Variants in AUTS2 observed in about 807,000 individuals in gnomAD.
The protein encoded by AUTS2 is autism susceptibility gene 2 protein.
Under a neutral mutation model 112.4 loss-of-function variants are expected in AUTS2, and 17 were observed. That is an observed-to-expected ratio of 0.15 (90% CI 0.10 to 0.23). AUTS2 has a LOEUF of 0.23. AUTS2 is among the 10% of genes least tolerant of loss of function. The probability of loss-of-function intolerance (pLI) is 1.00; values close to 1 mark genes in which losing one functional copy is unlikely to be tolerated. For synonymous variants in AUTS2, 751 were observed against 702.7 expected, an observed-to-expected ratio of 1.07 and a Z score of -1.09; for missense variants, 1,510 against 1,701.6, an observed-to-expected ratio of 0.89 and a Z score of 1.98.
At chr7:69,873,636 T>C (rs1453280236) in intron 1 of AUTS2, among the ~76,000 whole-genome samples, 1 of 152,164 alleles carries the variant, frequency 6.6e-6, no homozygotes, top group East Asian at 1.9e-4. Context: ...GGAAGCTAGA[T>C]TGGCATTCAT....
intron 2 of AUTS2, among the ~76,000 whole-genome samples, chr7:69,968,808 A>T (rs1015343025): frequency 1.3e-5 from 2 of 151,408 alleles, no homozygotes; most frequent in Non-Finnish European, 3.0e-5. Flanking sequence ...CACCTAGTTT[A>T]AAAAAAAAGT....
At chr7:70,031,702 T>A (rs539053655) in intron 2 of AUTS2, among the ~76,000 whole-genome samples, 1 of 152,282 alleles carries the variant, frequency 6.6e-6, no homozygotes, top group South Asian at 2.1e-4. Flanking sequence ...AATTGAGTGA[T>A]GCTCTAATTT....
chr7:69,606,233 C>G (rs1049816136), intron 1 of AUTS2, among the ~76,000 whole-genome samples: 2 of 152,140 alleles, frequency 1.3e-5, no homozygotes, highest in African/African-American at 4.8e-5. Flanking sequence ...CTCTTCTACA[C>G]CACAGTTTTA....
At chr7:70,081,892 A>G (rs1208533230) in intron 2 of AUTS2, among the ~76,000 whole-genome samples, 1 of 152,030 alleles carries the variant, frequency 6.6e-6, no homozygotes, top group Admixed American at 6.6e-5. Context: ...GCCAGTTAAC[A>G]TTAACTTTTA....
At chr7:70,675,409 C>T (rs1217968055) in intron 5 of AUTS2, among the ~76,000 whole-genome samples, 2 of 152,128 alleles carry the variant, frequency 1.3e-5, no homozygotes, top group Admixed American at 6.5e-5. Context: ...AGGAGAATTG[C>T]TTGATGAGCC....
At chr7:70,023,336 C>G (rs891353384) in intron 2 of AUTS2, among the ~76,000 whole-genome samples, 1 of 152,166 alleles carries the variant, frequency 6.6e-6, no homozygotes, top group Non-Finnish European at 1.5e-5. Context: ...TTAAACATTA[C>G]AAACTGCCGT....
chr7:70,614,458 T>C (rs1804250153), intron 5 of AUTS2, among the ~76,000 whole-genome samples: 1 of 152,194 alleles, frequency 6.6e-6, no homozygotes, highest in African/African-American at 2.4e-5. Context: ...CTAGGGATGC[T>C]CACGATGGTG....
intron 5 of AUTS2, among the ~76,000 whole-genome samples, chr7:70,669,825 A>G (rs1807543563): frequency 6.6e-6 from 1 of 152,220 alleles, no homozygotes; most frequent in African/African-American, 2.4e-5. Context: ...CCAGGCAGAA[A>G]AACGAACACA....
chr7:70,184,215 C>A (rs915163683), intron 4 of AUTS2, among the ~76,000 whole-genome samples: 1 of 151,994 alleles, frequency 6.6e-6, no homozygotes, highest in South Asian at 2.1e-4. Context: ...AATTATGGTG[C>A]CTGACCTCAA....
At chr7:70,764,611 G>C in intron 7 of AUTS2, 141 bp from the exon 8 acceptor site, 1 of 625,092 alleles carries the variant, frequency 1.6e-6, no homozygotes, top group Non-Finnish European at 2.9e-6. Flanking sequence ...AAGTGTGCTC[G>C]TACAGGGAGG....
At chr7:70,431,809 AAG>A (rs1795683595) in intron 4 of AUTS2, among the ~76,000 whole-genome samples, 1 of 152,200 alleles carries the variant, frequency 6.6e-6, no homozygotes, top group African/African-American at 2.4e-5. Flanking sequence ...AAACCAGGGG[AAG>A]AGACGGTGAA....
intron 5 of AUTS2, among the ~76,000 whole-genome samples, chr7:70,692,632 AG>A (rs1184594239): frequency 6.6e-6 from 1 of 152,200 alleles, no homozygotes; most frequent in Non-Finnish European, 1.5e-5. Context: ...ATTTTTAAAA[AG>A]ACTTGTATAA....
At chr7:70,221,693 C>T (rs1268919607) in intron 4 of AUTS2, among the ~76,000 whole-genome samples, 1 of 152,206 alleles carries the variant, frequency 6.6e-6, no homozygotes, top group Admixed American at 6.5e-5. Flanking sequence ...TTGAGGCCAG[C>T]TTGGCCAACA....
chr7:70,528,852 G>GA (rs140387775), intron 5 of AUTS2, among the ~76,000 whole-genome samples: 3,366 of 151,906 alleles, frequency 0.022, 106 homozygotes, highest in Admixed American at 0.099. Flanking sequence ...GGGGAACAGT[G>GA]AGCCCCAGGG....
intron 1 of AUTS2, among the ~76,000 whole-genome samples, chr7:69,635,114 A>G (rs1342087459): frequency 6.6e-6 from 1 of 151,948 alleles, no homozygotes; most frequent in Non-Finnish European, 1.5e-5. Context: ...CTGCTCCTCT[A>G]GGTCTCTTCT....
At chr7:70,784,846 A>G (rs1233826777) in intron 15 of AUTS2, 96 bp from the exon 16 acceptor site, 5 of 1,082,564 alleles carry the variant, frequency 4.6e-6, no homozygotes, top group South Asian at 2.7e-5. Flanking sequence ...TCCCTTGAAC[A>G]TATTTTCTCA....
chr7:70,680,452 A>G (rs1214726444), intron 5 of AUTS2, among the ~76,000 whole-genome samples: 4 of 152,230 alleles, frequency 2.6e-5, no homozygotes, highest in African/African-American at 4.8e-5. Flanking sequence ...GTCATGGTCT[A>G]CAATAGCCCT....
intron 2 of AUTS2, among the ~76,000 whole-genome samples, chr7:70,097,433 G>A (rs893726316): frequency 6.6e-6 from 1 of 152,198 alleles, no homozygotes; most frequent in Admixed American, 6.5e-5. Flanking sequence ...GCATGTGCAT[G>A]TGTGTATGCA....
intron 2 of AUTS2, among the ~76,000 whole-genome samples, chr7:70,014,713 A>G (rs1448913256): frequency 2.0e-5 from 3 of 152,188 alleles, no homozygotes; most frequent in Admixed American, 6.5e-5. Context: ...TCTTCAAATG[A>G]CACATGCCTG....
Sources: gnomAD v4.1 joint callset for allele counts (sites outside exome capture counted in the v4.1 genomes callset) on GRCh38, gnomAD v4.1.1 for gene constraint, MANE v1.5 for transcripts, NCBI Gene and HGNC (gene_info 2026-07-23, HGNC 2026-07-21) for gene names.